NEGR1: variants seen among roughly 807,000 people sequenced by gnomAD.
NEGR1 encodes the protein IgLON family member 4.
In NEGR1, 10 loss-of-function variants were observed where a neutral mutation model predicts 40.9. That is an observed-to-expected ratio of 0.24 (90% CI 0.15 to 0.42). The LOEUF is 0.42. Among genes scored for constraint, NEGR1 ranks in the 10% least tolerant of loss-of-function variants. NEGR1 has a pLI of 1.00. For synonymous variants in NEGR1, 185 were observed against 166.8 expected, an observed-to-expected ratio of 1.11 and a Z score of -0.84; for missense variants, 352 against 438.9, an observed-to-expected ratio of 0.80 and a Z score of 1.77.
intron 1 of NEGR1, among the ~76,000 whole-genome samples, chr1:71,968,972 G>T (rs1376798736): frequency 6.6e-6 from 1 of 152,064 alleles, no homozygotes; most frequent in Non-Finnish European, 1.5e-5. Flanking sequence ...CTGCCATGCT[G>T]TGAGGGCTGC....
intron 2 of NEGR1, among the ~76,000 whole-genome samples, chr1:71,881,727 T>G (rs1052504269): frequency 6.6e-5 from 10 of 152,104 alleles, no homozygotes; most frequent in African/African-American, 2.2e-4. Flanking sequence ...GACTTTCCCC[T>G]ATTGTAATCA....
intron 2 of NEGR1, among the ~76,000 whole-genome samples, chr1:71,887,672 T>C (rs1324887157): frequency 6.6e-6 from 1 of 152,140 alleles, no homozygotes; most frequent in Non-Finnish European, 1.5e-5. Context: ...TCCTTCCAGC[T>C]TTTTAAAACT....
At chr1:72,259,112 CA>C (rs1302145590) in intron 1 of NEGR1, among the ~76,000 whole-genome samples, 4 of 152,210 alleles carry the variant, frequency 2.6e-5, no homozygotes, top group African/African-American at 9.6e-5. Context: ...CAAGACCAAA[CA>C]AAATGTTTTA....
At chr1:72,028,632 T>C (rs184303566) in intron 1 of NEGR1, among the ~76,000 whole-genome samples, 1 of 152,224 alleles carries the variant, frequency 6.6e-6, no homozygotes, top group African/African-American at 2.4e-5. Context: ...TTGTACACAC[T>C]GATACCTTTA....
chr1:71,727,699 T>A (rs1183980629), intron 3 of NEGR1, among the ~76,000 whole-genome samples: 2 of 152,100 alleles, frequency 1.3e-5, no homozygotes, highest in Non-Finnish European at 2.9e-5. Context: ...AAAGCAAGAC[T>A]TGTGTAGTCT....
intron 1 of NEGR1, among the ~76,000 whole-genome samples, chr1:72,221,977 C>T (rs1340886729): frequency 6.6e-6 from 1 of 152,004 alleles, no homozygotes; most frequent in Non-Finnish European, 1.5e-5. Context: ...CTAGGCCCAC[C>T]GAGGAGCAAG....
At chr1:71,481,285 G>GA (rs890680426) in intron 6 of NEGR1, among the ~76,000 whole-genome samples, 34 of 146,116 alleles carry the variant, frequency 2.3e-4, no homozygotes, top group African/African-American at 3.0e-4. Flanking sequence ...TGAAGGAACT[G>GA]AAAAAAAAAA....
intron 6 of NEGR1, among the ~76,000 whole-genome samples, chr1:71,498,602 T>C (rs532254553): frequency 6.6e-6 from 1 of 152,248 alleles, no homozygotes; most frequent in East Asian, 1.9e-4. Flanking sequence ...CAGGCTTGGC[T>C]TTCCTCATCA....
intron 1 of NEGR1, among the ~76,000 whole-genome samples, chr1:71,949,440 T>C (rs553561547): frequency 4.6e-5 from 7 of 152,272 alleles, no homozygotes; most frequent in South Asian, 2.1e-4. Context: ...TTATTTTTCA[T>C]TGTGAAGTGT....
At chr1:71,968,186 G>T (rs1484368169) in intron 1 of NEGR1, among the ~76,000 whole-genome samples, 2 of 152,068 alleles carry the variant, frequency 1.3e-5, no homozygotes, top group African/African-American at 4.8e-5. Flanking sequence ...ATAAAAAAAT[G>T]TGCAAATTGC....
chr1:71,618,091 A>G (rs535120909), intron 4 of NEGR1, among the ~76,000 whole-genome samples: 3 of 152,310 alleles, frequency 2.0e-5, no homozygotes, highest in Admixed American at 2.0e-4. Context: ...AAAAGTGAAC[A>G]CTGGGATTTT....
intron 2 of NEGR1, among the ~76,000 whole-genome samples, chr1:71,911,032 T>G (rs1024103297): frequency 6.6e-6 from 1 of 152,162 alleles, no homozygotes; most frequent in Non-Finnish European, 1.5e-5. Context: ...TTTCCTGTAG[T>G]ACTTTAAAAA....
rs115378379 is a variant in NEGR1, at chr1:71,433,660, T to C, written c.941-26090A>G. 5.5e-3 allele frequency among the ~76,000 whole-genome samples: 845 copies of C among 152,294 alleles called. 9 individuals carry two copies. Among genetic ancestry groups the C allele is most frequent in the African/African-American group, 0.019 (803 of 41,570 alleles). Reference sequence around the variant, plus strand: ...AACAGATCTCCTGAGACTTAATCACTACCACGAGAACAGTATGAGGAAAAC... The same window carrying C: ...AACAGATCTCCTGAGACTTAATCACCACCACGAGAACAGTATGAGGAAAAC... On this transcript the variant is annotated intron_variant, in intron 6 of 6. Coordinates refer to ENST00000357731, the MANE Select transcript of NEGR1 (RefSeq NM_173808.3).
chr1:72,012,226 G>T (rs932924270), intron 1 of NEGR1, among the ~76,000 whole-genome samples: 6 of 152,076 alleles, frequency 3.9e-5, no homozygotes, highest in African/African-American at 1.2e-4. Context: ...TCAACAGTCT[G>T]CTTTTATAAT....
rs74759515 is a variant in NEGR1 at position 72,007,323 on chromosome 1, C to T, written c.177-72012G>A. On this transcript the variant is annotated intron_variant, in intron 1 of 6. Coordinates refer to ENST00000357731, the MANE Select transcript of NEGR1 (RefSeq NM_173808.3). ...CCAAGAGGAAATTTAGGCTTAAATT[C>T]TTTTAAAACTTTCTTCTCTTTTTAA... 6.3e-3 allele frequency among the ~76,000 whole-genome samples: 958 copies of T among 151,104 alleles called. 15 individuals carry two copies. Among genetic ancestry groups the T allele is most frequent in the African/African-American group, 0.022 (915 of 41,158 alleles).
In NEGR1 at chr1:71,842,217, C is replaced by A. The variant is rs146433192; in HGVS notation, c.410-65920G>T. On this transcript the variant is annotated intron_variant, in intron 2 of 6. Coordinates refer to ENST00000357731, the MANE Select transcript of NEGR1 (RefSeq NM_173808.3). ...TTGTCACACTTTGGGAGCTAGAAGCCTGGCTATTCTGGCTTGTTAGACAGT... is the reference window on the plus strand; with the variant it reads ...TTGTCACACTTTGGGAGCTAGAAGCATGGCTATTCTGGCTTGTTAGACAGT... Among the ~76,000 whole-genome samples the A allele has an allele frequency of 2.5e-3, 387 of 152,214 alleles. 2 individuals carry two copies. Among genetic ancestry groups the A allele is most frequent in the African/African-American group, 9.1e-3 (377 of 41,552 alleles).
At chr1:71,586,838 G>A (rs1649324691) in intron 6 of NEGR1, among the ~76,000 whole-genome samples, 1 of 151,978 alleles carries the variant, frequency 6.6e-6, no homozygotes, top group African/African-American at 2.4e-5. Flanking sequence ...TGTTATTTTT[G>A]TTTGGTAGAG....
In NEGR1 at chr1:72,096,852, T is replaced by C. The variant is rs1416920800; in HGVS notation, c.177-161541A>G. Reference sequence around the variant, plus strand: ...TTTTTTTGTATTTTTTGTTTTGTTTTGTTTTGTTTTAAGTAGAGACAGAGT... The same window carrying C: ...TTTTTTTGTATTTTTTGTTTTGTTTCGTTTTGTTTTAAGTAGAGACAGAGT... On this transcript the variant is annotated intron_variant, in intron 1 of 6. Coordinates refer to ENST00000357731, the MANE Select transcript of NEGR1 (RefSeq NM_173808.3). Among the ~76,000 whole-genome samples, 5 of 151,980 alleles carry C rather than the reference T, an allele frequency of 3.3e-5. No individual in the cohort carries two copies. In the South Asian group the frequency reaches 1.0e-3, roughly 32 times the overall value.
chr1:72,174,945 G>A (rs1486358219), intron 1 of NEGR1, among the ~76,000 whole-genome samples: 1 of 151,744 alleles, frequency 6.6e-6, no homozygotes, highest in Non-Finnish European at 1.5e-5. Flanking sequence ...TAATGTGTAT[G>A]ATATTTTCTT....
Sources: allele counts gnomAD v4.1 joint callset (sites outside exome capture counted in the v4.1 genomes callset), GRCh38; gene constraint gnomAD v4.1.1; transcripts MANE v1.5; gene names NCBI Gene and HGNC (gene_info 2026-07-23, HGNC 2026-07-21).